MICAL2: variants seen among roughly 807,000 people sequenced by gnomAD.
MICAL2 encodes microtubule associated monooxygenase, calponin and LIM domain containing 2.
MICAL2 carries 77 observed loss-of-function variants against 127.3 expected under a neutral mutation model. That is an observed-to-expected ratio of 0.60 (90% CI 0.50 to 0.73). MICAL2 has a LOEUF of 0.73. Ranked by LOEUF, MICAL2 falls within the 30% of genes least tolerant of loss-of-function variation. The pLI, the probability that MICAL2 is intolerant of heterozygous loss-of-function variation, is 0.00. For synonymous variants in MICAL2, 570 were observed against 551.1 expected (o/e 1.03, Z -0.48); for missense variants, 1,351 against 1,434.4 (o/e 0.94, Z 0.94).
intron 25 of MICAL2, among the ~76,000 whole-genome samples, chr11:12,259,236 T>C (rs1002432422): frequency 2.0e-5 from 3 of 152,232 alleles, no homozygotes; most frequent in Non-Finnish European, 2.9e-5. Flanking sequence ...AACATCCCTT[T>C]CCAGGCTTTT....
intron 29 of MICAL2, among the ~76,000 whole-genome samples, chr11:12,307,296 AGTTTT>A (rs1457039408): frequency 6.6e-6 from 1 of 152,132 alleles, no homozygotes; most frequent in Non-Finnish European, 1.5e-5. Context: ...GTTGTTTCTT[AGTTTT>A]GAGTTTTAAG....
intron 29 of MICAL2, among the ~76,000 whole-genome samples, chr11:12,306,927 C>T (rs1403606476): frequency 6.6e-6 from 1 of 152,198 alleles, no homozygotes; most frequent in African/African-American, 2.4e-5. Flanking sequence ...CATTAATGTA[C>T]AGGTCTCTGT....
At chr11:12,226,435 G>A in intron 14 of MICAL2, 65 bp downstream of exon 14, 2 of 1,527,062 alleles carry the variant, frequency 1.3e-6, no homozygotes, top group Admixed American at 1.7e-5. Context: ...CTCTGAGTCT[G>A]GCTGCTCCTA....
downstream of MICAL2, chr11:12,292,420 C>T: frequency 9.7e-7 from 1 of 1,030,370 alleles, no homozygotes; most frequent in Non-Finnish European, 1.4e-6. Flanking sequence ...AAAGCCAGCG[C>T]CAGAAGATAC....
At chr11:12,155,755 A>C (rs1402461612) in intron 2 of MICAL2, among the ~76,000 whole-genome samples, 1 of 152,246 alleles carries the variant, frequency 6.6e-6, no homozygotes, top group Admixed American at 6.5e-5. Flanking sequence ...TGTTTTGAGG[A>C]TTCCTTAGGT....
chr11:12,166,578 G>A (rs187388053), intron 3 of MICAL2, among the ~76,000 whole-genome samples: 3 of 152,288 alleles, frequency 2.0e-5, no homozygotes, highest in African/African-American at 4.8e-5. Context: ...GTCCTCAGTA[G>A]CATTCTCTGT....
At chr11:12,278,705 A>G (rs144768550) in intron 1 of MICAL2, among the ~76,000 whole-genome samples, 10 of 152,350 alleles carry the variant, frequency 6.6e-5, no homozygotes, top group Middle Eastern at 3.4e-3. Flanking sequence ...GGATGGGAGC[A>G]GTGGAGATGG....
At chr11:12,216,628 A>C (rs1856190114) in intron 8 of MICAL2, among the ~76,000 whole-genome samples, 1 of 152,180 alleles carries the variant, frequency 6.6e-6, no homozygotes, top group Non-Finnish European at 1.5e-5. Context: ...CTGGGAGGTC[A>C]CATGTCATTT....
At chr11:12,255,818 G>T in intron 23 of MICAL2, 68 bp downstream of exon 23, 1 of 1,297,284 alleles carries the variant, frequency 7.7e-7, no homozygotes, top group Non-Finnish European at 1.1e-6. Flanking sequence ...GGGCACATGG[G>T]ATGTCGAGAG....
At chr11:12,288,589 G>T (rs1171452201), downstream of MICAL2, among the ~76,000 whole-genome samples, 3 of 152,240 alleles carry the variant, frequency 2.0e-5, no homozygotes, top group African/African-American at 7.2e-5. Flanking sequence ...TACAAAAGCT[G>T]CTTTGAGGGC....
At chr11:12,295,517 TC>T (rs1305063461), downstream of MICAL2, among the ~76,000 whole-genome samples, 1 of 149,620 alleles carries the variant, frequency 6.7e-6, no homozygotes, top group African/African-American at 2.5e-5. Context: ...AGTGGCCTGA[TC>T]ATGGCTCATT....
intron 29 of MICAL2, among the ~76,000 whole-genome samples, chr11:12,316,404 A>AGGT (rs1181141663): frequency 6.7e-6 from 1 of 148,324 alleles, no homozygotes; most frequent in Non-Finnish European, 1.5e-5. Flanking sequence ...ATTTATTCCT[A>AGGT]GGTGGTTTTT....
rs114651540 is a variant in MICAL2 at position 12,197,286 on chromosome 11, A to G, written c.265-6964A>G. Among the ~76,000 whole-genome samples the G allele has an allele frequency of 3.4e-3, 523 of 152,266 alleles. 6 individuals are homozygous for G. The highest frequency in any genetic ancestry group is 0.012 in the African/African-American group (506 of 41,534). ...TCTATTACCATGGCCAAGTCATTTAACCTTCCTGAGCTCCAGTTTTCCTAT... is the reference window on the plus strand; with the variant it reads ...TCTATTACCATGGCCAAGTCATTTAGCCTTCCTGAGCTCCAGTTTTCCTAT... On this transcript the variant is annotated intron_variant, in intron 3 of 27. Coordinates refer to ENST00000683283, the MANE Select transcript of MICAL2 (RefSeq NM_001282663.2).
chr11:12,342,931 G>T (rs1052984898), intron 32 of MICAL2, among the ~76,000 whole-genome samples: 1 of 152,212 alleles, frequency 6.6e-6, no homozygotes, highest in African/African-American at 2.4e-5. Context: ...GGAGGGGGCA[G>T]GGAGCTGATG....
chr11:12,355,507 C>T (rs1465149972), intron 34 of MICAL2, among the ~76,000 whole-genome samples: 1 of 152,180 alleles, frequency 6.6e-6, no homozygotes, highest in African/African-American at 2.4e-5. Context: ...TTTGCAGTGC[C>T]AGATCGATGC....
chr11:12,189,043 CT>C (rs1467355194), intron 3 of MICAL2, among the ~76,000 whole-genome samples: 14 of 152,168 alleles, frequency 9.2e-5, no homozygotes, highest in Admixed American at 8.5e-4. Context: ...GATTTTCAGT[CT>C]TAGAGCACAG....
upstream of MICAL2, among the ~76,000 whole-genome samples, chr11:12,273,252 C>T (rs371435767): frequency 1.7e-3 from 260 of 152,250 alleles, 1 homozygote; most frequent in African/African-American, 5.9e-3. Flanking sequence ...CTGAGAGGAT[C>T]GGGTGAGATT....
chr11:12,331,251 A>T (rs1864425068), intron 32 of MICAL2, among the ~76,000 whole-genome samples: 1 of 152,148 alleles, frequency 6.6e-6, no homozygotes, highest in African/African-American at 2.4e-5. Context: ...TTCTTTCAAT[A>T]CCTGGAATCT....
chr11:12,224,458 A>G, intron 12 of MICAL2: 1 of 572,814 alleles, frequency 1.7e-6, no homozygotes, highest in East Asian at 2.8e-5. Flanking sequence ...CTGGAAGAGA[A>G]CATGCTTCCT....
Sources: allele counts gnomAD v4.1 joint callset (sites outside exome capture counted in the v4.1 genomes callset), GRCh38; gene constraint gnomAD v4.1.1; transcripts MANE v1.5; gene names NCBI Gene and HGNC (gene_info 2026-07-23, HGNC 2026-07-21).